The following RASAL2 variants were observed in gnomAD, a reference collection of about 807,000 sequenced individuals.
RASAL2 encodes RAS protein activator like 2.
A neutral mutation model predicts 128.9 loss-of-function variants in RASAL2; 58 were observed. The observed-to-expected ratio is 0.45, with a 90% CI of 0.36 to 0.56. RASAL2 has a LOEUF of 0.56. Among genes scored for constraint, RASAL2 ranks in the 20% least tolerant of loss-of-function variants. RASAL2 has a pLI of 0.00. For synonymous variants in RASAL2, 561 were observed against 580.8 expected, an observed-to-expected ratio of 0.97 and a Z score of 0.49; for missense variants, 1,360 against 1,601.6, an observed-to-expected ratio of 0.85 and a Z score of 2.57.
chr1:178,293,853 G>GTACCTTGACCTT, intron 2 of RASAL2, among the ~76,000 whole-genome samples: 1 of 152,330 alleles, frequency 6.6e-6, no homozygotes, highest in East Asian at 1.9e-4. Flanking sequence ...AAATGGAAGT[G>GTACCTTGACCTT]TACCTTGACC....
chr1:178,362,015 C>T (rs901556537), intron 3 of RASAL2, among the ~76,000 whole-genome samples: 1 of 152,052 alleles, frequency 6.6e-6, no homozygotes, highest in Non-Finnish European at 1.5e-5. Flanking sequence ...CAGGAGGTGG[C>T]GCTCTGGCGG....
intron 5 of RASAL2, 96 bp downstream of exon 5, chr1:178,420,716 A>G: frequency 2.3e-6 from 2 of 877,758 alleles, no homozygotes; most frequent in South Asian, 4.2e-5. Context: ...AATGACAAAT[A>G]GAAAAATACA....
chr1:178,171,907 A>G (rs1294145453), intron 1 of RASAL2, among the ~76,000 whole-genome samples: 3 of 152,018 alleles, frequency 2.0e-5, no homozygotes. Context: ...TAATAAGTTT[A>G]TGGGTATATA....
rs1483275875 is a variant in RASAL2 at position 178,475,227 on chromosome 1, T to A, written c.*1988T>A. ...TCTAAAATGGGAGTTTCTCACTGTG[T>A]TTATCTGATCTGCACACTTTATATC... On this transcript the variant is annotated 3_prime_UTR_variant, in exon 18 of 18. Coordinates refer to ENST00000367649, the MANE Select transcript of RASAL2 (RefSeq NM_170692.4). 1.3e-5 allele frequency: 2 copies of A among 152,250 alleles called. No individual in the cohort carries two copies. The highest frequency in any genetic ancestry group is 1.3e-4 in the Admixed American group (2 of 15,290). The allele number at this position is 152,250 out of a possible 1,614,324, so 9.4% of individuals were successfully genotyped here. A position where few individuals can be genotyped will look rare whatever the true frequency, so the allele number is the denominator to read the frequency against.
At chr1:178,136,589 C>G (rs1212875442) in intron 1 of RASAL2, among the ~76,000 whole-genome samples, 3 of 151,470 alleles carry the variant, frequency 2.0e-5, no homozygotes, top group Non-Finnish European at 4.4e-5. Flanking sequence ...AACCCTGTCT[C>G]TACCAAAAAA....
intron 3 of RASAL2, among the ~76,000 whole-genome samples, chr1:178,332,693 G>C (rs1459240352): frequency 6.7e-6 from 1 of 148,914 alleles, no homozygotes; most frequent in Non-Finnish European, 1.5e-5. Context: ...CTCACTGCAA[G>C]CTCCACCTCC....
chr1:178,324,864 C>CT (rs1668961562), intron 3 of RASAL2, among the ~76,000 whole-genome samples: 1 of 152,094 alleles, frequency 6.6e-6, no homozygotes, highest in African/African-American at 2.4e-5. Flanking sequence ...GAAACAGACT[C>CT]TAACTGCCTC....
At chr1:178,222,214 T>G (rs1663639467) in intron 1 of RASAL2, among the ~76,000 whole-genome samples, 1 of 152,142 alleles carries the variant, frequency 6.6e-6, no homozygotes, top group Non-Finnish European at 1.5e-5. Context: ...TTAAATTGGA[T>G]TTAGATTATC....
intron 1 of RASAL2, among the ~76,000 whole-genome samples, chr1:178,118,296 C>T (rs897987122): frequency 4.6e-5 from 7 of 151,936 alleles, no homozygotes; most frequent in Non-Finnish European, 1.0e-4. Flanking sequence ...TGGGTGGGGA[C>T]GATTCAAGCT....
At position 178,351,498 on chromosome 1, in the gene RASAL2, A is replaced by G. The variant is rs550360048; in HGVS notation, c.458-38602A>G. On this transcript the variant is annotated intron_variant, in intron 3 of 17. Coordinates refer to ENST00000367649, the MANE Select transcript of RASAL2 (RefSeq NM_170692.4). ...TGTAATCCCAGCACTTTGGGAGGCCAAGGTGGGCGGATCACGAGGTCAGGA... is the reference window on the plus strand; with the variant it reads ...TGTAATCCCAGCACTTTGGGAGGCCGAGGTGGGCGGATCACGAGGTCAGGA... Among the ~76,000 whole-genome samples the G allele has an allele frequency of 6.6e-4, 100 of 152,240 alleles. 1 individual carries two copies. The highest frequency in any genetic ancestry group is 1.4e-3 in the Non-Finnish European group (94 of 68,016).
At chr1:178,404,621 C>T (rs1176819693) in intron 4 of RASAL2, among the ~76,000 whole-genome samples, 8 of 149,204 alleles carry the variant, frequency 5.4e-5, no homozygotes, top group Non-Finnish European at 1.0e-4. Context: ...CCTCGTGATC[C>T]GCCCACCTCG....
intron 2 of RASAL2, among the ~76,000 whole-genome samples, chr1:178,296,920 C>A (rs1189869102): frequency 6.6e-6 from 1 of 151,962 alleles, no homozygotes; most frequent in African/African-American, 2.4e-5. Context: ...GATCTACTCA[C>A]CTCAGCCTCC....
At chr1:178,166,274 C>T (rs1028864065) in intron 1 of RASAL2, among the ~76,000 whole-genome samples, 3 of 152,096 alleles carry the variant, frequency 2.0e-5, no homozygotes, top group African/African-American at 7.2e-5. Flanking sequence ...TCAAGGCATG[C>T]CATCCAAGTG....
chr1:178,122,051 C>T (rs759471849), intron 1 of RASAL2, among the ~76,000 whole-genome samples: 14 of 152,132 alleles, frequency 9.2e-5, no homozygotes, highest in Non-Finnish European at 1.9e-4. Context: ...GTTAGACTGC[C>T]TCGTTTTTAT....
chr1:178,294,097 G>A (rs1055939630), intron 2 of RASAL2, among the ~76,000 whole-genome samples: 2 of 152,242 alleles, frequency 1.3e-5, no homozygotes, highest in African/African-American at 4.8e-5. Flanking sequence ...TGAGCACACA[G>A]ACAGAGACAG....
intron 5 of RASAL2, among the ~76,000 whole-genome samples, chr1:178,435,451 A>G (rs902199234): frequency 6.6e-6 from 1 of 152,048 alleles, no homozygotes; most frequent in Non-Finnish European, 1.5e-5. Context: ...CTTCACTTTT[A>G]TCTTTTAAGA....
intron 1 of RASAL2, among the ~76,000 whole-genome samples, chr1:178,110,562 T>C (rs1659267669): frequency 6.8e-6 from 1 of 147,062 alleles, no homozygotes; most frequent in South Asian, 2.1e-4. Context: ...GTATATATAG[T>C]ATATATAGCA....
intron 1 of RASAL2, among the ~76,000 whole-genome samples, chr1:178,166,406 T>C (rs1661515422): frequency 6.6e-6 from 1 of 152,306 alleles, no homozygotes; most frequent in African/African-American, 2.4e-5. Flanking sequence ...TCTTGGACTA[T>C]TTAATAGTTA....
In RASAL2 at chr1:178,100,938, T is replaced by G. The variant is rs533414287; in HGVS notation, c.202+6244T>G. Reference sequence around the variant, plus strand: ...TAACCAGGAGGAGGAGTTTGAAGTGTGCTAAGGGCACTGCTAAAATTGCTT... The same window carrying G: ...TAACCAGGAGGAGGAGTTTGAAGTGGGCTAAGGGCACTGCTAAAATTGCTT... On this transcript the variant is annotated intron_variant, in intron 1 of 17. Coordinates refer to ENST00000367649, the MANE Select transcript of RASAL2 (RefSeq NM_170692.4). Among the ~76,000 whole-genome samples the G allele has an allele frequency of 2.3e-3, 349 of 152,320 alleles. 1 individual carries two copies. The highest frequency in any genetic ancestry group is 3.6e-3 in the Non-Finnish European group (244 of 68,016).
Sources: allele counts gnomAD v4.1 joint callset (sites outside exome capture counted in the v4.1 genomes callset), GRCh38; gene constraint gnomAD v4.1.1; transcripts MANE v1.5; gene names NCBI Gene and HGNC (gene_info 2026-07-23, HGNC 2026-07-21).